Variants in SMYD3 observed in about 807,000 individuals in gnomAD.
SMYD3 encodes SET and MYND domain containing 3, also known as histone-lysine N-methyltransferase SMYD3.
A neutral mutation model predicts 57.7 loss-of-function variants in SMYD3; 36 were observed. The observed-to-expected ratio is 0.62, with a 90% CI of 0.48 to 0.82. The LOEUF (loss-of-function observed/expected upper bound fraction) is 0.82, where lower values mean the gene tolerates loss of function less well. Among genes scored for constraint, SMYD3 ranks in the 40% least tolerant of loss-of-function variants. The pLI is 0.00. For missense variants in SMYD3, 515 were observed against 538.8 expected (o/e 0.96, Z 0.44); for synonymous variants, 211 against 195.0 (o/e 1.08, Z -0.68).
intron 5 of SMYD3, among the ~76,000 whole-genome samples, chr1:246,299,095 A>G (rs2064847653): frequency 1.3e-5 from 2 of 152,270 alleles, no homozygotes; most frequent in South Asian, 2.1e-4. Flanking sequence ...CTTCATTTCT[A>G]CTAATTTATC....
chr1:246,010,789 A>G (rs1411081698), intron 5 of SMYD3, among the ~76,000 whole-genome samples: 1 of 152,240 alleles, frequency 6.6e-6, no homozygotes, highest in African/African-American at 2.4e-5. Flanking sequence ...CATGGTGTCT[A>G]TGGATATCTG....
chr1:245,793,171 T>G (rs768301670), intron 10 of SMYD3, among the ~76,000 whole-genome samples: 4 of 150,032 alleles, frequency 2.7e-5, no homozygotes, highest in Admixed American at 6.6e-5. Context: ...GAGCCGGGCA[T>G]GGTGGCGGGT....
intron 2 of SMYD3, among the ~76,000 whole-genome samples, chr1:246,339,941 C>T (rs890574617): frequency 6.6e-6 from 1 of 152,190 alleles, no homozygotes; most frequent in East Asian, 1.9e-4. Flanking sequence ...TCCAGAAACA[C>T]CAGCCAAATA....
intron 5 of SMYD3, among the ~76,000 whole-genome samples, chr1:246,296,793 T>A (rs1437158530): frequency 2.0e-5 from 3 of 152,208 alleles, no homozygotes; most frequent in Non-Finnish European, 4.4e-5. Context: ...ATATTCCTAT[T>A]TAAATAAACT....
intron 5 of SMYD3, among the ~76,000 whole-genome samples, chr1:245,942,963 C>T (rs2057302999): frequency 6.6e-6 from 1 of 151,900 alleles, no homozygotes; most frequent in Admixed American, 6.6e-5. Context: ...TGTACCAGAA[C>T]CTCTGGGATA....
At chr1:246,021,364 T>C (rs894443492) in intron 5 of SMYD3, among the ~76,000 whole-genome samples, 3 of 152,214 alleles carry the variant, frequency 2.0e-5, no homozygotes, top group African/African-American at 4.8e-5. Flanking sequence ...TTAATCTTCC[T>C]GTGGTACAGA....
intron 5 of SMYD3, among the ~76,000 whole-genome samples, chr1:245,994,855 A>G (rs866756212): frequency 1.3e-5 from 2 of 152,110 alleles, no homozygotes; most frequent in South Asian, 2.1e-4. Flanking sequence ...GGCTGGGCGC[A>G]GTGGCTCACG....
chr1:245,984,100 A>G (rs1195710425), intron 5 of SMYD3, among the ~76,000 whole-genome samples: 1 of 151,222 alleles, frequency 6.6e-6, no homozygotes, highest in Admixed American at 6.6e-5. Context: ...TCTGGGTTCA[A>G]GCGATTCTCC....
intron 5 of SMYD3, among the ~76,000 whole-genome samples, chr1:246,106,121 C>T (rs575351356): frequency 8.0e-4 from 122 of 152,204 alleles, no homozygotes; most frequent in Non-Finnish European, 1.2e-3. Context: ...AGGCCTTGTG[C>T]CTATTCATGG....
At chr1:245,942,036 AC>A (rs1408279068) in intron 5 of SMYD3, among the ~76,000 whole-genome samples, 27 of 152,372 alleles carry the variant, frequency 1.8e-4, no homozygotes, top group African/African-American at 6.3e-4. Flanking sequence ...ACTGAAGTAC[AC>A]AGACCGATGA....
At chr1:245,794,568 C>A (rs917136870) in intron 10 of SMYD3, among the ~76,000 whole-genome samples, 2 of 152,146 alleles carry the variant, frequency 1.3e-5, no homozygotes, top group Non-Finnish European at 2.9e-5. Context: ...AGGGTTCATG[C>A]CTTTTAAAAA....
At chr1:246,379,113 C>CACACACACACACAT (rs143967247) in intron 1 of SMYD3, among the ~76,000 whole-genome samples, 3 of 139,924 alleles carry the variant, frequency 2.1e-5, no homozygotes, top group Non-Finnish European at 4.6e-5. Flanking sequence ...CACACACACA[C>CACACACACACACAT]ATATATTCCA....
At chr1:245,815,667 A>G (rs2048764756) in intron 10 of SMYD3, among the ~76,000 whole-genome samples, 1 of 152,244 alleles carries the variant, frequency 6.6e-6, no homozygotes, top group Admixed American at 6.5e-5. Flanking sequence ...CAAAAGCATT[A>G]AAACATCATT....
chr1:246,156,543 CCTT>C (rs2062025678), intron 5 of SMYD3, among the ~76,000 whole-genome samples: 1 of 152,150 alleles, frequency 6.6e-6, no homozygotes, highest in Non-Finnish European at 1.5e-5. Flanking sequence ...TTCTTTGGTT[CCTT>C]CAATAAACAT....
chr1:246,435,822 A>ATTCC (rs1553348140), intron 1 of SMYD3, among the ~76,000 whole-genome samples: 17 of 152,000 alleles, frequency 1.1e-4, no homozygotes, highest in East Asian at 5.8e-4. Flanking sequence ...AGATACAAGG[A>ATTCC]AACTGGACAA....
intron 2 of SMYD3, among the ~76,000 whole-genome samples, chr1:246,348,417 G>GA (rs1043941656): frequency 1.8e-4 from 27 of 149,596 alleles, no homozygotes; most frequent in African/African-American, 4.4e-4. Context: ...CTCTGTCTCG[G>GA]AAAAAAAAAT....
At chr1:246,506,995 C>CCCCCCCCA in intron 1 of SMYD3, 59 bp downstream of exon 1, 1 of 825,154 alleles carries the variant, frequency 1.2e-6, no homozygotes, top group Non-Finnish European at 1.6e-6. Context: ...CGACGCCCCC[C>CCCCCCCCA]CCTCCCCAGC....
intron 10 of SMYD3, among the ~76,000 whole-genome samples, chr1:245,833,875 C>T (rs1244818738): frequency 1.3e-5 from 2 of 152,232 alleles, no homozygotes; most frequent in Non-Finnish European, 2.9e-5. Flanking sequence ...ACCCCATGCA[C>T]CTCATTTAAC....
chr1:246,460,498 CTT>C (rs1436712730), intron 1 of SMYD3, among the ~76,000 whole-genome samples: 1 of 152,096 alleles, frequency 6.6e-6, no homozygotes, highest in African/African-American at 2.4e-5. Flanking sequence ...TTTTCTACAG[CTT>C]TTGTTTCAGT....
Sources: allele counts gnomAD v4.1 joint callset (sites outside exome capture counted in the v4.1 genomes callset), GRCh38; gene constraint gnomAD v4.1.1; transcripts MANE v1.5; gene names NCBI Gene and HGNC (gene_info 2026-07-23, HGNC 2026-07-21).